The following ADGRB3 variants were observed in gnomAD, a reference collection of about 807,000 sequenced individuals.
The protein encoded by ADGRB3 is brain-specific angiogenesis inhibitor 3.
In ADGRB3, 37 loss-of-function variants were observed where a neutral mutation model predicts 193.4. That is an observed-to-expected ratio of 0.19 (90% CI 0.15 to 0.25). The LOEUF (loss-of-function observed/expected upper bound fraction) is 0.25. ADGRB3 is among the 10% of genes least tolerant of loss of function. ADGRB3 has a pLI of 1.00. For missense variants in ADGRB3, 1,637 were observed against 1,852.9 expected (o/e 0.88, Z 2.14); for synonymous variants, 690 against 644.2 (o/e 1.07, Z -1.08).
chr6:68,813,927 G>A (rs1004490128), intron 3 of ADGRB3, among the ~76,000 whole-genome samples: 10 of 152,126 alleles, frequency 6.6e-5, no homozygotes, highest in Non-Finnish European at 1.5e-4. Flanking sequence ...TGGTGTATAT[G>A]TGCCACATTT....
chr6:69,108,474 A>G (rs775111540), intron 17 of ADGRB3, among the ~76,000 whole-genome samples: 13 of 151,840 alleles, frequency 8.6e-5, no homozygotes, highest in African/African-American at 2.7e-4. Context: ...AGCGAACATT[A>G]TATGCAAAAT....
chr6:69,303,849 G>T (rs2127297605), intron 20 of ADGRB3, among the ~76,000 whole-genome samples: 1 of 151,996 alleles, frequency 6.6e-6, no homozygotes, highest in East Asian at 2.0e-4. Flanking sequence ...AATTAAATAG[G>T]ATTTCATGTG....
intron 3 of ADGRB3, among the ~76,000 whole-genome samples, chr6:68,822,390 C>T (rs905767664): frequency 1.3e-5 from 2 of 151,836 alleles, no homozygotes; most frequent in African/African-American, 4.8e-5. Flanking sequence ...TGATCAAAAG[C>T]AGTCTGGTGA....
chr6:69,310,188 TG>T (rs1768161008), intron 20 of ADGRB3, among the ~76,000 whole-genome samples: 1 of 151,830 alleles, frequency 6.6e-6, no homozygotes, highest in South Asian at 2.1e-4. Flanking sequence ...TCTCTTTTCT[TG>T]TTGGCACTTT....
At chr6:69,000,247 C>G (rs1427185893) in intron 11 of ADGRB3, among the ~76,000 whole-genome samples, 1 of 152,182 alleles carries the variant, frequency 6.6e-6, no homozygotes, top group Non-Finnish European at 1.5e-5. Context: ...TAGGTATAGT[C>G]TATAACATTA....
intron 3 of ADGRB3, among the ~76,000 whole-genome samples, chr6:68,838,700 C>G (rs1228895432): frequency 6.6e-6 from 1 of 152,146 alleles, no homozygotes; most frequent in Non-Finnish European, 1.5e-5. Context: ...TATTTAGTGA[C>G]TTAGTTTATA....
At chr6:68,646,855 T>C (rs1374224423) in intron 3 of ADGRB3, among the ~76,000 whole-genome samples, 2 of 152,166 alleles carry the variant, frequency 1.3e-5, no homozygotes, top group African/African-American at 4.8e-5. Flanking sequence ...TAAAAACATA[T>C]CTTCTCTGGT....
chr6:69,322,779 G>A (rs1431239518), intron 20 of ADGRB3, among the ~76,000 whole-genome samples: 1 of 151,868 alleles, frequency 6.6e-6, no homozygotes. Context: ...TAGTCCACAT[G>A]TACACATTCC....
chr6:69,289,593 T>C (rs1237215133), intron 20 of ADGRB3, among the ~76,000 whole-genome samples: 1 of 152,132 alleles, frequency 6.6e-6, no homozygotes, highest in Non-Finnish European at 1.5e-5. Context: ...CACACCTGCA[T>C]GCCCATGGCA....
chr6:68,944,167 A>G (rs1490207624), intron 6 of ADGRB3, among the ~76,000 whole-genome samples, 173 bp downstream of exon 6: 2 of 152,182 alleles, frequency 1.3e-5, no homozygotes, highest in Non-Finnish European at 2.9e-5. Flanking sequence ...CATATGTAGT[A>G]TTGTAGAATA....
At chr6:68,790,836 A>G (rs999507482) in intron 3 of ADGRB3, among the ~76,000 whole-genome samples, 16 of 152,242 alleles carry the variant, frequency 1.1e-4, no homozygotes, top group Non-Finnish European at 2.2e-4. Context: ...CAAAGATGGG[A>G]AAAAAACAGA....
intron 24 of ADGRB3, among the ~76,000 whole-genome samples, chr6:69,334,553 G>A (rs1014087342): frequency 4.6e-5 from 7 of 152,080 alleles, no homozygotes; most frequent in East Asian, 3.9e-4. Context: ...AGACTTGAAC[G>A]TAGTACAAGC....
chr6:69,108,810 T>C (rs1046051859), intron 17 of ADGRB3, among the ~76,000 whole-genome samples: 2 of 152,156 alleles, frequency 1.3e-5, no homozygotes, highest in African/African-American at 4.8e-5. Context: ...AAGCCAGTGT[T>C]ATGGTAAAGA....
chr6:68,795,314 A>G (rs188857089), intron 3 of ADGRB3, among the ~76,000 whole-genome samples: 87 of 152,240 alleles, frequency 5.7e-4, no homozygotes, highest in Non-Finnish European at 1.1e-3. Context: ...TTGATAAACT[A>G]TAGGTAAATG....
At chr6:69,074,489 A>G (rs995416079) in intron 16 of ADGRB3, among the ~76,000 whole-genome samples, 1 of 151,474 alleles carries the variant, frequency 6.6e-6, no homozygotes, top group Non-Finnish European at 1.5e-5. Flanking sequence ...GCAATGAGGT[A>G]CGGTGTCCAC....
chr6:69,361,214 G>A lies in ADGRB3; in HGVS notation c.3941G>A (p.Ser1314Asn). 1 of 1,612,664 alleles carries A rather than the reference G, an allele frequency of 6.2e-7. No individual in the cohort carries two copies. The highest frequency in any genetic ancestry group is 8.5e-7 in the Non-Finnish European group (1 of 1,179,268). Reference protein sequence around the residue: ...MESDYIVMPRSSVNNQPSMKE... With the variant: ...MESDYIVMPRNSVNNQPSMKE... ...AGTGACTATATTGTGATGCCCAGAA[G>A]TTCTGTAAATAACCAGCCTTCAATG... Residue 1314 changes from serine to asparagine, a missense_variant, in exon 29 of 32, where the codon AGT (serine) becomes AAT (asparagine). By Grantham distance (46) the Ser-to-Asn change is conservative. This residue lies in a region of ADGRB3 where 368 missense variants were observed against 367.4 expected (regional missense o/e 1.00). Coordinates refer to ENST00000370598, the MANE Select transcript of ADGRB3 (RefSeq NM_001704.3).
chr6:69,217,118 G>A (rs1211228474), intron 17 of ADGRB3, among the ~76,000 whole-genome samples: 1 of 152,156 alleles, frequency 6.6e-6, no homozygotes. Context: ...TGTGAGAAAA[G>A]GGACCTTCAG....
intron 3 of ADGRB3, among the ~76,000 whole-genome samples, chr6:68,833,348 T>C (rs1027810495): frequency 6.6e-6 from 1 of 151,722 alleles, no homozygotes; most frequent in Non-Finnish European, 1.5e-5. Context: ...AGAGAAGATA[T>C]TACAAATATT....
At chr6:69,062,839 C>G in intron 15 of ADGRB3, 95 bp from the exon 16 acceptor site, 1 of 789,152 alleles carries the variant, frequency 1.3e-6, no homozygotes, top group Non-Finnish European at 2.0e-6. Flanking sequence ...GCTTTGGATG[C>G]ATTTATTTGA....
Sources: gnomAD v4.1 joint callset for allele counts (sites outside exome capture counted in the v4.1 genomes callset) on GRCh38, gnomAD v4.1.1 for gene constraint, gnomAD v4.1.1 regional missense constraint, MANE v1.5 for transcripts, NCBI Gene and HGNC (gene_info 2026-07-23, HGNC 2026-07-21) for gene names.